The following ATP8A2 variants were observed in gnomAD, a reference collection of about 807,000 sequenced individuals.
The protein encoded by ATP8A2 is phospholipid-transporting ATPase IB.
A neutral mutation model predicts 165.6 loss-of-function variants in ATP8A2; 100 were observed. The ratio of observed to expected loss-of-function variants is 0.60; its 90% CI spans 0.51 to 0.71. ATP8A2 has a LOEUF of 0.71. Among genes scored for constraint, ATP8A2 ranks in the 30% least tolerant of loss-of-function variants. The pLI, the probability that ATP8A2 is intolerant of heterozygous loss-of-function variation, is 0.00. For missense variants in ATP8A2, 1,227 were observed against 1,479.5 expected (o/e 0.83, Z 2.80); for synonymous variants, 543 against 548.8 (o/e 0.99, Z 0.15).
rs551607081 is a variant in ATP8A2 at position 25,911,783 on chromosome 13, A to G, written c.3183+49375A>G. On this transcript the variant is annotated intron_variant, in intron 33 of 36. Transcript: ENST00000381655. ...AGATGTTAGGCTAAATGAGCCCCCAAACCTTTTCTTATCTCACTCTTTACT... is the reference window on the plus strand; with the variant it reads ...AGATGTTAGGCTAAATGAGCCCCCAGACCTTTTCTTATCTCACTCTTTACT... 5.3e-5 allele frequency among the ~76,000 whole-genome samples: 8 copies of G among 152,308 alleles called. No individual in the cohort carries two copies. In the South Asian group the frequency reaches 1.7e-3, roughly 32 times the overall value.
intron 35 of ATP8A2, among the ~76,000 whole-genome samples, chr13:25,987,854 A>C (rs919143128): frequency 6.6e-6 from 1 of 152,186 alleles, no homozygotes; most frequent in Non-Finnish European, 1.5e-5. Context: ...TCCACAAAGA[A>C]CTTTTTCCCA....
At chr13:25,591,166 GT>G in intron 24 of ATP8A2, 4 of 392,232 alleles carry the variant, frequency 1.0e-5, no homozygotes, top group South Asian at 3.8e-5. Context: ...TGTGTAAATT[GT>G]TGTGAAATAC....
chr13:25,609,534 G>GGGATTCAAATATATATATATATATCT (rs2040605487), intron 24 of ATP8A2, among the ~76,000 whole-genome samples: 1 of 42,216 alleles, frequency 2.4e-5, no homozygotes, highest in African/African-American at 5.7e-5. Context: ...ATATATATTT[G>GGGATTCAAATATATATATATATATCT]GGATTCAAAT....
intron 25 of ATP8A2, among the ~76,000 whole-genome samples, chr13:25,759,890 G>T (rs1395117490): frequency 6.6e-6 from 1 of 152,154 alleles, no homozygotes; most frequent in Non-Finnish European, 1.5e-5. Flanking sequence ...GAGATGTCAG[G>T]TTTTCAGAAG....
chr13:25,581,638 C>T (rs148953997), intron 22 of ATP8A2, among the ~76,000 whole-genome samples, 181 bp from the exon 23 acceptor site: 165 of 152,122 alleles, frequency 1.1e-3, no homozygotes, highest in African/African-American at 3.8e-3. Flanking sequence ...TAGAGTGAGT[C>T]CACCATTGCA....
At chr13:25,561,637 A>G (rs1240947909) in intron 15 of ATP8A2, among the ~76,000 whole-genome samples, 1 of 152,192 alleles carries the variant, frequency 6.6e-6, no homozygotes, top group Non-Finnish European at 1.5e-5. Flanking sequence ...AATATGTGTA[A>G]CATAATATTT....
At chr13:25,687,589 T>G (rs1391594869) in intron 24 of ATP8A2, among the ~76,000 whole-genome samples, 1 of 152,190 alleles carries the variant, frequency 6.6e-6, no homozygotes, top group Non-Finnish European at 1.5e-5. Context: ...GCGTTGATAT[T>G]CAGTGACTTC....
At chr13:25,900,417 A>T (rs1317181898) in intron 33 of ATP8A2, among the ~76,000 whole-genome samples, 1 of 152,178 alleles carries the variant, frequency 6.6e-6, no homozygotes, top group Non-Finnish European at 1.5e-5. Context: ...GGTGGTCGTC[A>T]GTGTTTACGA....
At chr13:25,773,472 C>A (rs533395124) in intron 26 of ATP8A2, among the ~76,000 whole-genome samples, 1 of 152,240 alleles carries the variant, frequency 6.6e-6, no homozygotes, top group East Asian at 1.9e-4. Flanking sequence ...TGAGGAGATA[C>A]GATCTGAGTG....
chr13:25,939,829 C>A (rs1292446390), intron 33 of ATP8A2, among the ~76,000 whole-genome samples: 1 of 152,238 alleles, frequency 6.6e-6, no homozygotes. Context: ...CTCTGCCTTG[C>A]AGTTGACGTC....
At chr13:25,562,163 T>G (rs1425737785) in intron 15 of ATP8A2, among the ~76,000 whole-genome samples, 1 of 152,172 alleles carries the variant, frequency 6.6e-6, no homozygotes. Context: ...GGTCGTATGG[T>G]AATTCTGTGT....
intron 33 of ATP8A2, among the ~76,000 whole-genome samples, chr13:25,948,162 C>T (rs1185247422): frequency 6.6e-6 from 1 of 152,104 alleles, no homozygotes; most frequent in Non-Finnish European, 1.5e-5. Context: ...TCAACCCTTC[C>T]ACCTCTCTGA....
chr13:25,605,687 TTGTA>T lies in ATP8A2; in HGVS notation c.2211+15990_2211+15993del, dbSNP rs539096834. On this transcript the variant is annotated intron_variant, in intron 24 of 36. Transcript: ENST00000381655. ...CTAGTTTTTTCTCTCGTAGCTGAGA[TTGTA>T]TCTCTAGATCAACTAATATGTAGCT... 1.5e-3 allele frequency among the ~76,000 whole-genome samples: 221 copies of T among 152,288 alleles called. 1 individual carries two copies. The highest frequency in any genetic ancestry group is 2.6e-3 in the Non-Finnish European group (176 of 68,008).
At chr13:25,789,144 CTG>C (rs2045103763) in intron 27 of ATP8A2, among the ~76,000 whole-genome samples, 1 of 152,128 alleles carries the variant, frequency 6.6e-6, no homozygotes, top group Non-Finnish European at 1.5e-5. Flanking sequence ...ATAATGTTAA[CTG>C]TGTCAATGCT....
intron 27 of ATP8A2, among the ~76,000 whole-genome samples, chr13:25,825,145 C>CTTTTTTTT (rs60778003): frequency 7.3e-5 from 2 of 27,508 alleles, no homozygotes; most frequent in African/African-American, 1.5e-4. Context: ...TATGTGTTTG[C>CTTTTTTTT]TTTTTTTTTT....
chr13:25,600,316 C>T (rs1486793908), intron 24 of ATP8A2, among the ~76,000 whole-genome samples: 1 of 152,168 alleles, frequency 6.6e-6, no homozygotes, highest in East Asian at 1.9e-4. Flanking sequence ...TCTCTCTCTG[C>T]CCCTCTCCTG....
At chr13:25,589,501 C>T in intron 23 of ATP8A2, 134 bp from the exon 24 acceptor site, 1 of 594,780 alleles carries the variant, frequency 1.7e-6, no homozygotes, top group Middle Eastern at 2.6e-4. Flanking sequence ...CTTACTTTTC[C>T]TACTCCTCAC....
At chr13:25,553,007 T>G (rs959378144) in intron 11 of ATP8A2, among the ~76,000 whole-genome samples, 4 of 152,098 alleles carry the variant, frequency 2.6e-5, no homozygotes, top group African/African-American at 9.7e-5. Flanking sequence ...AATCCCAGCC[T>G]TCTGCTATCT....
intron 33 of ATP8A2, chr13:25,927,236 C>G: frequency 2.2e-6 from 1 of 456,770 alleles, no homozygotes; most frequent in Non-Finnish European, 4.4e-6. Flanking sequence ...ACACTGGAAA[C>G]TGCATCTGAC....
Sources: allele counts gnomAD v4.1 joint callset (sites outside exome capture counted in the v4.1 genomes callset), GRCh38; gene constraint gnomAD v4.1.1; transcripts MANE v1.5; gene names NCBI Gene and HGNC (gene_info 2026-07-23, HGNC 2026-07-21).